Variants in LRRTM1 observed in about 807,000 individuals in gnomAD.
LRRTM1 encodes leucine-rich repeat transmembrane neuronal protein 1.
LRRTM1 carries 8 observed loss-of-function variants against 37.3 expected under a neutral mutation model. That is an observed-to-expected ratio of 0.21 (90% CI 0.13 to 0.39). LRRTM1 has a LOEUF of 0.39. LRRTM1 is among the 10% of genes least tolerant of loss of function. The probability of loss-of-function intolerance (pLI) is 1.00; values close to 1 mark genes in which losing one functional copy is unlikely to be tolerated. For missense variants in LRRTM1, 557 were observed against 691.0 expected (o/e 0.81, Z 2.17); for synonymous variants, 326 against 316.8 (o/e 1.03, Z -0.31).
At chr2:80,290,534 G>C (rs1449564680) in intron 2 of LRRTM1, among the ~76,000 whole-genome samples, 1 of 151,870 alleles carries the variant, frequency 6.6e-6, no homozygotes, top group African/African-American at 2.4e-5. Context: ...TCATTATCTA[G>C]CTCAGTGTTT....
At position 80,303,584 on chromosome 2, in the gene LRRTM1, T is replaced by C; in HGVS notation, c.236A>G (p.Glu79Gly). 1 of 1,614,098 alleles carries C rather than the reference T, an allele frequency of 6.2e-7. No homozygotes were observed. The highest frequency in any genetic ancestry group is 8.5e-7 in the Non-Finnish European group (1 of 1,180,016). Reference protein sequence around the residue: ...GLSLRYNSLSELRAGQFTGLM... With the variant: ...GLSLRYNSLSGLRAGQFTGLM... ...CCCCGTGAACTGGCCGGCGCGCAGC[T>C]CCGAGAGGCTGTTGTAGCGCAGGGA... The change falls in exon 2 of 2, where the codon GAG (glutamate) becomes GGG (glycine). Residue 79 changes from glutamate (E) to glycine (G), a missense_variant. By Grantham distance (98) the Glu-to-Gly change is moderately conservative. Around this residue, in one of 5 missense-constraint regions of LRRTM1, gnomAD observed 140 missense variants for 138.1 expected, o/e 1.01. Coordinates refer to ENST00000295057, the MANE Select transcript of LRRTM1 (RefSeq NM_178839.5). This position sits in a 1 kb window ranked among gnomAD's most constrained non-coding sequence, Gnocchi z 7.7.
At chr2:80,300,796 C>A (rs1676213782), downstream of LRRTM1, among the ~76,000 whole-genome samples, 1 of 152,118 alleles carries the variant, frequency 6.6e-6, no homozygotes, top group African/African-American at 2.4e-5. Flanking sequence ...AGCCCTCCGT[C>A]CAATGCACAC....
downstream of LRRTM1, chr2:80,298,365 A>G (rs1277633179): frequency 6.6e-6 from 1 of 152,200 alleles, no homozygotes; most frequent in Non-Finnish European, 1.5e-5. Flanking sequence ...CTCTTGCTCC[A>G]AAACAGATAT....
chr2:80,293,045 A>G (rs868230001), intron 2 of LRRTM1, among the ~76,000 whole-genome samples: 1 of 152,352 alleles, frequency 6.6e-6, no homozygotes, highest in Middle Eastern at 3.4e-3. Flanking sequence ...TAAAAATTTA[A>G]TAAAATAAAA....
chr2:80,292,046 T>C (rs1216144095), intron 2 of LRRTM1, among the ~76,000 whole-genome samples: 1 of 152,194 alleles, frequency 6.6e-6, no homozygotes, highest in African/African-American at 2.4e-5. Flanking sequence ...ATTCAGGTTT[T>C]TGAGTCTCAT....
downstream of LRRTM1, among the ~76,000 whole-genome samples, chr2:80,298,002 T>G (rs1055882958): frequency 2.1e-4 from 32 of 151,748 alleles, no homozygotes; most frequent in Admixed American, 4.6e-4. Flanking sequence ...TATATGTGTG[T>G]GTGTGTGGTA....
intron 2 of LRRTM1, among the ~76,000 whole-genome samples, chr2:80,294,067 C>G (rs931107930): frequency 6.6e-6 from 1 of 152,014 alleles, no homozygotes; most frequent in Non-Finnish European, 1.5e-5. Context: ...CTAGCTTTAC[C>G]TCATAATGAC....
Position 80,302,401 on chromosome 2 carries a change from C to T in LRRTM1, c.1419G>A (p.Gln473=), listed in dbSNP as rs1305123204. 2 of 1,614,260 alleles carry T rather than the reference C, an allele frequency of 1.2e-6. No homozygotes were observed. The highest frequency in any genetic ancestry group is 3.3e-5 in the Admixed American group (2 of 60,032). The part of the protein sequence containing the change: ...CFVTQRRKQK[Q]KQTMHQMAAM... ...CAGCCATCTGATGCATGGTCTGTTT[C>T]TGCTTTTGCTTCCTGCGCTGCGTGA... Residue 473 remains glutamine (Q), a synonymous_variant, in exon 2 of 2, where the codon CAG becomes CAA. Coordinates refer to ENST00000295057, the MANE Select transcript of LRRTM1 (RefSeq NM_178839.5). This position sits in a 1 kb window ranked among gnomAD's most constrained non-coding sequence, Gnocchi z 6.4.
chr2:80,290,538 A>G (rs900303048), intron 2 of LRRTM1, among the ~76,000 whole-genome samples: 6 of 151,884 alleles, frequency 4.0e-5, no homozygotes, highest in African/African-American at 1.5e-4. Flanking sequence ...TATCTAGCTC[A>G]GTGTTTCCCA....
chr2:80,303,990 G>C lies in LRRTM1; in HGVS notation c.-59-112C>G, dbSNP rs1676650265. On this transcript the variant is annotated intron_variant, in intron 1 of 1. Coordinates refer to ENST00000295057, the MANE Select transcript of LRRTM1 (RefSeq NM_178839.5). The surrounding 1 kb of genome is among the most constrained non-coding windows in gnomAD (Gnocchi z 7.7). Reference sequence around the variant, plus strand: ...GGACCCCCCTCCCCAAAAACCACACGTTCACCTCTAAGCATGCAGAAAGCT... The same window carrying C: ...GGACCCCCCTCCCCAAAAACCACACCTTCACCTCTAAGCATGCAGAAAGCT... 4.3e-6 allele frequency: 3 copies of C among 697,516 alleles called. No homozygotes were observed. The East Asian group carries it at 8.9e-5, about 21-fold the overall frequency. 43.2% of individuals were successfully genotyped at this position (697,516 alleles called of 1,614,324 possible). A position where few individuals can be genotyped will look rare whatever the true frequency, so the allele number is the denominator to read the frequency against.
intron 2 of LRRTM1, among the ~76,000 whole-genome samples, chr2:80,292,760 G>A (rs189879873): frequency 6.6e-6 from 1 of 152,320 alleles, no homozygotes; most frequent in Non-Finnish European, 1.5e-5. Flanking sequence ...GTTGACTTAA[G>A]CTCTGAACAA....
In LRRTM1 at chr2:80,302,150, T is replaced by C. The variant is rs1285428432; in HGVS notation, c.*101A>G. On this transcript the variant is annotated 3_prime_UTR_variant, in exon 2 of 2. Transcript: ENST00000295057. This position sits in a 1 kb window ranked among gnomAD's most constrained non-coding sequence, Gnocchi z 6.4. ...CCCTTAAAGTTTCAGTCAAGGAGCA[T>C]ATCAGAGCACAGACAAGGAGACCCC... 5 of 1,432,192 alleles carry C rather than the reference T, an allele frequency of 3.5e-6. No homozygotes were observed. The highest frequency in any genetic ancestry group is 2.8e-5 in the African/African-American group (2 of 70,214). 88.7% of individuals were successfully genotyped at this position (1,432,192 alleles called of 1,614,324 possible).
At position 80,304,702 on chromosome 2, in the gene LRRTM1, A is replaced by C. The variant is rs930495902; in HGVS notation, c.-610T>G. 7.9e-5 allele frequency: 12 copies of C among 152,712 alleles called. 1 individual carries two copies. Among genetic ancestry groups the C allele is most frequent in the Admixed American group, 5.9e-4 (9 of 15,220 alleles). The allele number at this position is 152,712 out of a possible 1,614,324, so 9.5% of individuals were successfully genotyped here. ...GGCGCCCGGGCTCCTTCCCTCCACC[A>C]GGCAGTGTGCGGCGCGAGCTTGCAC... is the stretch of plus-strand genomic sequence containing the variant. On this transcript the variant is annotated 5_prime_UTR_variant, in exon 1 of 2. Coordinates refer to ENST00000295057, the MANE Select transcript of LRRTM1 (RefSeq NM_178839.5).
Position 80,303,261 on chromosome 2 carries a change from G to A in LRRTM1, c.559C>T (p.Leu187Phe). Residue 187 changes from leucine (L) to phenylalanine (F), a missense_variant, in exon 2 of 2, where the codon CTC (leucine) becomes TTC (phenylalanine). Around this residue, in one of 5 missense-constraint regions of LRRTM1, gnomAD observed 200 missense variants for 249.9 expected, o/e 0.80. Transcript: ENST00000295057. The surrounding 1 kb of genome is among the most constrained non-coding windows in gnomAD (Gnocchi z 7.7). ...PVRIFQDCRSLKFLDIGYNQL... is the reference protein window; with the variant it reads ...PVRIFQDCRSFKFLDIGYNQL... ...TTGTATCCGATGTCGAGAAACTTGA[G>A]GCTGCGGCAGTCCTGGAAGATGCGC... 6.2e-7 allele frequency: 1 copy of A among 1,613,642 alleles called. No individual in the cohort carries two copies. The highest frequency in any genetic ancestry group is 8.5e-7 in the Non-Finnish European group (1 of 1,180,010).
chr2:80,297,968 T>G (rs1675897836), downstream of LRRTM1, among the ~76,000 whole-genome samples: 1 of 151,816 alleles, frequency 6.6e-6, no homozygotes, highest in Admixed American at 6.6e-5. Flanking sequence ...TGCCTGCGCG[T>G]GTATGGGTGT....
At chr2:80,296,494 G>A (rs1558978201) in intron 2 of LRRTM1, among the ~76,000 whole-genome samples, 2 of 152,182 alleles carry the variant, frequency 1.3e-5, no homozygotes, top group South Asian at 4.1e-4. Context: ...AGAAGCATGT[G>A]TTAACTATGT....
chr2:80,303,594 T>A lies in LRRTM1; in HGVS notation c.226A>T (p.Ser76Cys). The A allele has an allele frequency of 6.8e-6, 11 of 1,613,960 alleles. No individual in the cohort carries two copies. Among genetic ancestry groups the A allele is most frequent in the Non-Finnish European group, 9.3e-6 (11 of 1,179,994 alleles). Residue 76 changes from serine (S) to cysteine (C), a missense_variant, in exon 2 of 2, where the codon AGC becomes TGC. By Grantham distance (112) the Ser-to-Cys change is moderately radical. Around this residue, in one of 5 missense-constraint regions of LRRTM1, gnomAD observed 140 missense variants for 138.1 expected, o/e 1.01. Coordinates refer to ENST00000295057, the MANE Select transcript of LRRTM1 (RefSeq NM_178839.5). The surrounding 1 kb of genome is among the most constrained non-coding windows in gnomAD (Gnocchi z 7.7). ...GLLGLSLRYN[S>C]LSELRAGQFT... The stretch of plus-strand genomic sequence containing the variant: ...TGGCCGGCGCGCAGCTCCGAGAGGC[T>A]GTTGTAGCGCAGGGACAAGCCCAGC...
chr2:80,290,842 GA>G (rs1270259854), intron 2 of LRRTM1, among the ~76,000 whole-genome samples: 1 of 151,878 alleles, frequency 6.6e-6, no homozygotes, highest in Non-Finnish European at 1.5e-5. Flanking sequence ...GGGAGGGAAA[GA>G]AAAAATGAAG....
At chr2:80,288,825 C>T (rs1424624203) in exon 3 of LRRTM1, 1 of 152,126 alleles carries the variant, frequency 6.6e-6, no homozygotes, top group Admixed American at 6.5e-5. Flanking sequence ...GCTTTCATCC[C>T]AGTTCTTTGG....
Sources: allele counts gnomAD v4.1 joint callset (sites outside exome capture counted in the v4.1 genomes callset), GRCh38; gene constraint gnomAD v4.1.1; regional missense constraint gnomAD v4.1.1; non-coding constraint Gnocchi (gnomAD v3.1); transcripts MANE v1.5; gene names NCBI Gene and HGNC (gene_info 2026-07-23, HGNC 2026-07-21).